The following FCHSD2 variants were observed in gnomAD, a reference collection of about 807,000 sequenced individuals.
FCHSD2 encodes the protein F-BAR and double SH3 domains protein 2.
Under a neutral mutation model 108.1 loss-of-function variants are expected in FCHSD2, and 38 were observed. The ratio of observed to expected loss-of-function variants is 0.35; its 90% CI spans 0.27 to 0.46. The LOEUF (loss-of-function observed/expected upper bound fraction) is 0.46. FCHSD2 is among the 20% of genes least tolerant of loss of function. The pLI, the probability that FCHSD2 is intolerant of heterozygous loss-of-function variation, is 1.00. For missense variants in FCHSD2, 751 were observed against 897.8 expected (o/e 0.84, Z 2.09); for synonymous variants, 279 against 314.7 (o/e 0.89, Z 1.20).
intron 9 of FCHSD2, among the ~76,000 whole-genome samples, chr11:72,911,899 T>C (rs560617999): frequency 6.6e-6 from 1 of 152,350 alleles, no homozygotes; most frequent in South Asian, 2.1e-4. Flanking sequence ...TGTATTTTAA[T>C]GTATTTGTAG....
At chr11:72,990,874 G>T (rs561248575) in intron 5 of FCHSD2, among the ~76,000 whole-genome samples, 1 of 152,036 alleles carries the variant, frequency 6.6e-6, no homozygotes, top group African/African-American at 2.4e-5. Context: ...AGAACTGAAC[G>T]AAATAGAGAC....
At chr11:73,108,654 C>G (rs975792241) in intron 2 of FCHSD2, among the ~76,000 whole-genome samples, 2 of 152,164 alleles carry the variant, frequency 1.3e-5, no homozygotes, top group Non-Finnish European at 2.9e-5. Context: ...CTGCAAGCTC[C>G]GCTTCCCGGG....
In FCHSD2 at chr11:73,032,756, G is replaced by T. The variant is rs182268551; in HGVS notation, c.166-16871C>A. On this transcript the variant is annotated intron_variant, in intron 3 of 19. Transcript: ENST00000409418. ...AAAAAAGAGCCTGTAACGAGAGGTGGGGTGCAAGTGGGAACATAGCCCCTT... is the reference window on the plus strand; with the variant it reads ...AAAAAAGAGCCTGTAACGAGAGGTGTGGTGCAAGTGGGAACATAGCCCCTT... Among the ~76,000 whole-genome samples the T allele has an allele frequency of 1.2e-4, 19 of 152,206 alleles. No individual in the cohort carries two copies. In the East Asian group the frequency reaches 3.7e-3, roughly 29 times the overall value.
intron 3 of FCHSD2, among the ~76,000 whole-genome samples, chr11:73,039,512 G>A (rs1449989794): frequency 3.3e-5 from 4 of 122,730 alleles, no homozygotes; most frequent in Admixed American, 2.6e-4. Flanking sequence ...GAGAGACTCC[G>A]TCTCCAAAAA....
chr11:72,980,330 G>A (rs893862483), intron 8 of FCHSD2, among the ~76,000 whole-genome samples: 2 of 152,174 alleles, frequency 1.3e-5, no homozygotes, highest in Non-Finnish European at 2.9e-5. Context: ...TTATGATCAT[G>A]AATCTGCTCC....
At chr11:73,131,587 C>G (rs1266618229) in intron 2 of FCHSD2, among the ~76,000 whole-genome samples, 1 of 151,590 alleles carries the variant, frequency 6.6e-6, no homozygotes, top group African/African-American at 2.4e-5. Context: ...AGCTGTAATC[C>G]CAGCTACTCG....
chr11:72,973,322 G>A (rs1332379412), intron 8 of FCHSD2, among the ~76,000 whole-genome samples: 1 of 151,678 alleles, frequency 6.6e-6, no homozygotes, highest in Non-Finnish European at 1.5e-5. Context: ...AGACGAGATC[G>A]TGCCATTGCA....
At chr11:72,945,652 T>C (rs1403654532) in intron 8 of FCHSD2, among the ~76,000 whole-genome samples, 2 of 152,190 alleles carry the variant, frequency 1.3e-5, no homozygotes, top group African/African-American at 4.8e-5. Context: ...TCTACTCATC[T>C]GACAAAGGGC....
chr11:73,015,415 T>C (rs1481192559), intron 4 of FCHSD2, among the ~76,000 whole-genome samples: 2 of 152,202 alleles, frequency 1.3e-5, no homozygotes, highest in African/African-American at 4.8e-5. Context: ...ATATTTAGAA[T>C]TTATTTCAAA....
chr11:72,857,470 C>T (rs1316562926), intron 13 of FCHSD2, among the ~76,000 whole-genome samples: 4 of 141,284 alleles, frequency 2.8e-5, no homozygotes, highest in Non-Finnish European at 4.5e-5. Context: ...TGGAGTTTCA[C>T]TCTTGTCGCC....
At chr11:72,895,911 A>G (rs186498849) in intron 10 of FCHSD2, among the ~76,000 whole-genome samples, 1 of 152,314 alleles carries the variant, frequency 6.6e-6, no homozygotes, top group Non-Finnish European at 1.5e-5. Flanking sequence ...GCTATATGCA[A>G]TACAAAATTT....
intron 14 of FCHSD2, among the ~76,000 whole-genome samples, chr11:72,844,507 A>G (rs575551347): frequency 6.6e-6 from 1 of 152,262 alleles, no homozygotes; most frequent in East Asian, 1.9e-4. Context: ...GCAATCCACC[A>G]GCATCAGCCA....
At chr11:72,894,253 A>AAT (rs1855374952) in intron 10 of FCHSD2, among the ~76,000 whole-genome samples, 1 of 152,202 alleles carries the variant, frequency 6.6e-6, no homozygotes, top group African/African-American at 2.4e-5. Context: ...AGAGACAAGA[A>AAT]ATATACTGGG....
intron 8 of FCHSD2, among the ~76,000 whole-genome samples, chr11:72,944,853 G>A (rs571590529): frequency 6.6e-6 from 1 of 152,186 alleles, no homozygotes; most frequent in African/African-American, 2.4e-5. Flanking sequence ...GGGATGTGAA[G>A]GACCTCTTCA....
intron 3 of FCHSD2, among the ~76,000 whole-genome samples, chr11:73,024,945 T>A (rs1305936108): frequency 1.3e-5 from 2 of 152,116 alleles, no homozygotes; most frequent in African/African-American, 2.4e-5. Flanking sequence ...AATGAGATAC[T>A]ATCTAACACC....
chr11:73,096,377 C>CAA (rs767268719), intron 2 of FCHSD2, among the ~76,000 whole-genome samples: 2,085 of 66,230 alleles, frequency 0.031, no homozygotes, highest in Non-Finnish European at 0.039. Context: ...CCTGCCTCTA[C>CAA]AAAAAAAAAA....
rs139271142 is a variant in FCHSD2 at position 72,879,148 on chromosome 11, T to C, written c.1146+8322A>G. 2.3e-3 allele frequency among the ~76,000 whole-genome samples: 343 copies of C among 152,064 alleles called. 1 individual carries two copies. The highest frequency in any genetic ancestry group is 7.3e-3 in the Admixed American group (111 of 15,242). On this transcript the variant is annotated intron_variant, in intron 12 of 19. Coordinates refer to ENST00000409418, the MANE Select transcript of FCHSD2 (RefSeq NM_014824.3). ...AAACAAAAAAACAAAAAAAAAGATA[T>C]TACAACTCTATCCAGCCAGAGTTGA...
chr11:72,927,368 C>T (rs1447673127), intron 8 of FCHSD2, among the ~76,000 whole-genome samples: 1 of 152,096 alleles, frequency 6.6e-6, no homozygotes, highest in Admixed American at 6.5e-5. Context: ...AGAATGAGCC[C>T]TAATGTAAAC....
intron 3 of FCHSD2, among the ~76,000 whole-genome samples, chr11:73,062,480 A>G (rs1034022514): frequency 3.3e-5 from 5 of 152,122 alleles, no homozygotes; most frequent in Non-Finnish European, 5.9e-5. Context: ...GTGGGTAATA[A>G]CCAACACCTC....
Sources: allele counts gnomAD v4.1 joint callset (sites outside exome capture counted in the v4.1 genomes callset), GRCh38; gene constraint gnomAD v4.1.1; transcripts MANE v1.5; gene names NCBI Gene and HGNC (gene_info 2026-07-23, HGNC 2026-07-21).